Variants in SPRYD3 observed in about 807,000 individuals in gnomAD.
SPRYD3 encodes the protein SPRY domain-containing protein 3.
SPRYD3 carries 17 observed loss-of-function variants against 50.1 expected under a neutral mutation model. That is an observed-to-expected ratio of 0.34 (90% CI 0.23 to 0.51). SPRYD3 has a LOEUF of 0.51. Among genes scored for constraint, SPRYD3 ranks in the 20% least tolerant of loss-of-function variants. SPRYD3 has a pLI of 0.97. For synonymous variants in SPRYD3, 198 were observed against 215.5 expected, an observed-to-expected ratio of 0.92 and a Z score of 0.71; for missense variants, 401 against 591.2, an observed-to-expected ratio of 0.68 and a Z score of 3.34.
rs752647049 is a variant in SPRYD3, at chr12:53,073,341, A to G, written c.638T>C (p.Val213Ala). 2 of 1,585,096 alleles carry G rather than the reference A, an allele frequency of 1.3e-6. No individual in the cohort carries two copies. The highest frequency in any genetic ancestry group is 1.8e-5 in the Admixed American group (1 of 55,008). Residue 213 changes from valine (V) to alanine (A), a missense_variant, in exon 6 of 11, where the codon GTG becomes GCG. Val to Ala is a moderately conservative substitution (Grantham distance 64, BLOSUM62 0). Transcript: ENST00000301463. The stretch of plus-strand genomic sequence containing the variant: ...GCCCCATTCATCCTCGTAACTGTCC[A>G]CCATCATGACGCTGTCGTCCTCACG... ...LGREDDSVMM[V>A]DSYEDEWGRL...
In SPRYD3 at chr12:53,068,179, G is replaced by A. The variant is rs760004699; in HGVS notation, c.819C>T (p.Tyr273=). The A allele has an allele frequency of 1.9e-6, 3 of 1,614,232 alleles. No individual in the cohort carries two copies. The highest frequency in any genetic ancestry group is 2.5e-6 in the Non-Finnish European group (3 of 1,180,044). The change falls in exon 7 of 11, where the codon TAC becomes TAT. Residue 273 remains tyrosine (Y), a synonymous_variant. Transcript: ENST00000301463. The part of the protein sequence containing the change: ...VEIVDPGEKC[Y]IALGLARKDY... ...CCTTCCGTGCCAGCCCCAGGGCGAT[G>A]TAGCATTTCTCTCCAGGGTCCACGA...
At chr12:53,076,844 G>C (rs1944592151) in intron 2 of SPRYD3, among the ~76,000 whole-genome samples, 1 of 152,084 alleles carries the variant, frequency 6.6e-6, no homozygotes, top group African/African-American at 2.4e-5. Context: ...AGCTACTTGG[G>C]AAGCTGAGGC....
intron 7 of SPRYD3, 116 bp from the exon 8 acceptor site, chr12:53,067,821 G>T: frequency 2.1e-6 from 2 of 947,928 alleles, no homozygotes; most frequent in Admixed American, 1.9e-5. Flanking sequence ...TGCCAACCCT[G>T]CACACTCATA....
intron 8 of SPRYD3, 123 bp from the exon 9 acceptor site, chr12:53,066,815 C>T: frequency 7.6e-7 from 1 of 1,311,972 alleles, no homozygotes; most frequent in Non-Finnish European, 1.0e-6. Flanking sequence ...AGGGCGGAAA[C>T]AAAGATGGAG....
At chr12:53,077,962 G>C (rs1944601345) in intron 1 of SPRYD3, 3 of 282,774 alleles carry the variant, frequency 1.1e-5, no homozygotes, top group Non-Finnish European at 2.2e-5. Flanking sequence ...TGAGGCAGGA[G>C]GATCGCTTGA....
chr12:53,073,256 G>GCCCCCGGGGGGGGGGGGGGGCCCCCCC, intron 6 of SPRYD3, 30 bp downstream of exon 6: 2 of 424,134 alleles, frequency 4.7e-6, no homozygotes, highest in Non-Finnish European at 8.8e-6. Flanking sequence ...CTCCGACCCA[G>GCCCCCGGGGGGGGGGGGGGGCCCCCCC]CCCCTCCCAC....
intron 6 of SPRYD3, among the ~76,000 whole-genome samples, chr12:53,068,542 A>G (rs11170392): frequency 0.11 from 16,075 of 152,180 alleles, 1,443 homozygotes; most frequent in East Asian, 0.39. Context: ...GTCTTCCCCC[A>G]CACACTTTCT....
chr12:53,069,355 C>T (rs189995340), intron 6 of SPRYD3, among the ~76,000 whole-genome samples: 172 of 152,260 alleles, frequency 1.1e-3, no homozygotes, highest in Middle Eastern at 3.4e-3. Context: ...AGCTTTGGGA[C>T]GCCGGCCTCT....
chr12:53,077,546 C>T (rs1944598350), intron 1 of SPRYD3, among the ~76,000 whole-genome samples: 2 of 152,152 alleles, frequency 1.3e-5, no homozygotes, highest in African/African-American at 4.8e-5. Context: ...TAATTTCAGG[C>T]AGTGGAGAAA....
intron 6 of SPRYD3, among the ~76,000 whole-genome samples, chr12:53,069,512 C>T (rs1289437807): frequency 6.6e-6 from 1 of 152,206 alleles, no homozygotes; most frequent in Non-Finnish European, 1.5e-5. Flanking sequence ...GTGCTTAGAG[C>T]GGGGTGCTAC....
chr12:53,068,638 C>T (rs781421860), intron 6 of SPRYD3, among the ~76,000 whole-genome samples: 43 of 152,278 alleles, frequency 2.8e-4, no homozygotes, highest in Non-Finnish European at 5.7e-4. Context: ...AACCCTGCAG[C>T]CTTTCCTGCT....
rs762282986 is a variant in SPRYD3, at chr12:53,068,279, T to G, written c.719A>C (p.Lys240Thr). The change falls in exon 7 of 11, where the codon AAA becomes ACA. Residue 240 changes from lysine (K) to threonine (T), a missense_variant. Coordinates refer to ENST00000301463, the MANE Select transcript of SPRYD3 (RefSeq NM_032840.3). ...GGCCAGCCCCACATCCACGATGCTT[T>G]TGCCCTTCCCTAAGTACTCCAGCAG... ...GTLLEYLGKG[K>T]SIVDVGLAQA... 1.5e-5 allele frequency: 25 copies of G among 1,614,058 alleles called. No individual in the cohort carries two copies. Among genetic ancestry groups the G allele is most frequent in the Non-Finnish European group, 2.0e-5 (24 of 1,180,034 alleles).
chr12:53,066,189 A>G (rs1318168809), intron 10 of SPRYD3, 125 bp downstream of exon 10: 1 of 1,504,848 alleles, frequency 6.6e-7, no homozygotes, highest in African/African-American at 1.4e-5. Flanking sequence ...AGCTGGGAAC[A>G]GCCCTTGGGC....
At position 53,077,247 on chromosome 12, in the gene SPRYD3, T is replaced by A; in HGVS notation, c.38A>T (p.Asn13Ile). The change falls in exon 2 of 11, where the codon AAC becomes ATC. Residue 13 changes from asparagine to isoleucine, a missense_variant. Transcript: ENST00000301463. ...RTRRPRFVLM[N>I]KMDDLNLHYR... ...GTGCAGGTTGAGGTCATCCATCTTG[T>A]TCATGAGAACAAACCTGCCAAGGGG... 1.2e-6 allele frequency: 2 copies of A among 1,614,140 alleles called. No homozygotes were observed. The highest frequency in any genetic ancestry group is 1.7e-6 in the Non-Finnish European group (2 of 1,180,014).
At chr12:53,068,599 G>A (rs560005450) in intron 6 of SPRYD3, among the ~76,000 whole-genome samples, 4 of 152,244 alleles carry the variant, frequency 2.6e-5, no homozygotes, top group African/African-American at 9.6e-5. Flanking sequence ...CACACCAGGG[G>A]GCTCTAGATG....
rs1944500500 is a variant in SPRYD3, at chr12:53,065,911, G to A, written c.1250C>T (p.Ser417Phe). 2.5e-6 allele frequency: 4 copies of A among 1,614,054 alleles called. No individual in the cohort carries two copies. The highest frequency in any genetic ancestry group is 3.4e-6 in the Non-Finnish European group (4 of 1,179,942). The stretch of plus-strand genomic sequence containing the variant: ...TCCAATGGTGGGGAAGAAGCCTCCA[G>A]AAGGAACAACAGCATCCTTCTTCCC... ...IIGKKDAVVPSGGFFPTIGML... is the reference protein window; with the variant it reads ...IIGKKDAVVPFGGFFPTIGML... Residue 417 changes from serine to phenylalanine, a missense_variant, in exon 11 of 11, where the codon TCT becomes TTT. Ser to Phe is a radical substitution (Grantham distance 155, BLOSUM62 -2). Transcript: ENST00000301463.
chr12:53,073,983 A>C (rs755931706), intron 5 of SPRYD3, among the ~76,000 whole-genome samples: 1 of 151,922 alleles, frequency 6.6e-6, no homozygotes, highest in Admixed American at 6.5e-5. Context: ...GTACAGAGCT[A>C]GAAGACAAAC....
At chr12:53,073,256 G>GCCCCCGGGGGGCCCCCCCCCCC in intron 6 of SPRYD3, 30 bp downstream of exon 6, 1 of 424,134 alleles carries the variant, frequency 2.4e-6, no homozygotes. Context: ...CTCCGACCCA[G>GCCCCCGGGGGGCCCCCCCCCCC]CCCCTCCCAC....
At chr12:53,071,186 G>C (rs1262284382) in intron 6 of SPRYD3, among the ~76,000 whole-genome samples, 1 of 152,192 alleles carries the variant, frequency 6.6e-6, no homozygotes, top group Non-Finnish European at 1.5e-5. Flanking sequence ...CACTCTCCTG[G>C]CCAGCTCAGG....
Sources: allele counts gnomAD v4.1 joint callset (sites outside exome capture counted in the v4.1 genomes callset), GRCh38; gene constraint gnomAD v4.1.1; transcripts MANE v1.5; gene names NCBI Gene and HGNC (gene_info 2026-07-23, HGNC 2026-07-21).